Variants in LOC400499 observed in about 807,000 individuals in gnomAD.
the LOC400499 span, among the ~76,000 whole-genome samples, chr16:11,374,982 G>A: frequency 3.9e-5 from 6 of 151,984 alleles, no homozygotes; most frequent in Admixed American, 2.6e-4. Flanking sequence ...CCAAATAGCT[G>A]GGATTACAGG....
the LOC400499 span, chr16:11,461,172 C>T: frequency 6.8e-7 from 1 of 1,480,222 alleles, no homozygotes; most frequent in Non-Finnish European, 9.0e-7. Context: ...GGGACCAGCA[C>T]CCCCATCCCC....
At chr16:11,495,433 TG>T in the LOC400499 span, among the ~76,000 whole-genome samples, 6 of 151,170 alleles carry the variant, frequency 4.0e-5, no homozygotes, top group African/African-American at 1.2e-4. Context: ...CATCCTGGAG[TG>T]CAGTGGCCCT....
the LOC400499 span, among the ~76,000 whole-genome samples, chr16:11,499,044 G>A: frequency 1.9e-5 from 2 of 103,558 alleles, no homozygotes; most frequent in African/African-American, 7.6e-5. Flanking sequence ...ACAAATAAAC[G>A]AGTGAAAGGA....
At chr16:11,436,918 G>T in the LOC400499 span, among the ~76,000 whole-genome samples, 1 of 151,968 alleles carries the variant, frequency 6.6e-6, no homozygotes, top group Non-Finnish European at 1.5e-5. Flanking sequence ...AAGAATGCCT[G>T]GTGCTTCCTT....
At chr16:11,435,966 G>A in the LOC400499 span, 1 of 398,288 alleles carries the variant, frequency 2.5e-6, no homozygotes, top group Non-Finnish European at 4.4e-6. Context: ...AAGCCCTCCT[G>A]AGCCACTCCA....
At chr16:11,498,140 A>G in the LOC400499 span, among the ~76,000 whole-genome samples, 15 of 152,286 alleles carry the variant, frequency 9.8e-5, no homozygotes, top group Non-Finnish European at 1.9e-4. Context: ...ACAAAGCATC[A>G]AGAAGCCACA....
the LOC400499 span, among the ~76,000 whole-genome samples, chr16:11,501,502 G>A: frequency 6.6e-6 from 1 of 152,092 alleles, no homozygotes; most frequent in African/African-American, 2.4e-5. Flanking sequence ...GACCACAAGT[G>A]TTCGCTACCA....
At chr16:11,495,999 C>A in the LOC400499 span, among the ~76,000 whole-genome samples, 17 of 152,282 alleles carry the variant, frequency 1.1e-4, no homozygotes, top group Non-Finnish European at 2.4e-4. Context: ...CTGTGCTAGA[C>A]CCACGTCACT....
chr16:11,393,162 C>CA, the LOC400499 span, among the ~76,000 whole-genome samples: 3 of 132,112 alleles, frequency 2.3e-5, no homozygotes, highest in East Asian at 2.1e-4. Flanking sequence ...CCACCCCCCC[C>CA]CCTTTTTTTT....
chr16:11,436,029 G>C, the LOC400499 span: 4 of 397,204 alleles, frequency 1.0e-5, no homozygotes, highest in African/African-American at 8.2e-5. Flanking sequence ...GAGGAGAAAT[G>C]AGACAGAGGG....
the LOC400499 span, among the ~76,000 whole-genome samples, chr16:11,410,542 C>T: frequency 1.3e-5 from 2 of 152,216 alleles, no homozygotes; most frequent in Non-Finnish European, 2.9e-5. Flanking sequence ...TCCAAAATCA[C>T]GTGTAAATGC....
At chr16:11,446,447 T>C in the LOC400499 span, 20 of 1,088,850 alleles carry the variant, frequency 1.8e-5, no homozygotes, top group African/African-American at 3.1e-5. Context: ...TGTGAGCCAC[T>C]GCACTCAGTC....
the LOC400499 span, chr16:11,491,665 G>GCCCCCACCCCACC: frequency 8.7e-6 from 3 of 344,470 alleles, no homozygotes; most frequent in Non-Finnish European, 1.5e-5. Context: ...CCCCACCCCT[G>GCCCCCACCCCACC]CCCACACCCC....
the LOC400499 span, chr16:11,398,533 C>A: frequency 8.1e-7 from 1 of 1,231,796 alleles, no homozygotes; most frequent in South Asian, 4.1e-5. Flanking sequence ...GCCTATGGGT[C>A]AGGGGCTCAT....
the LOC400499 span, among the ~76,000 whole-genome samples, chr16:11,434,971 A>G: frequency 6.6e-6 from 1 of 152,082 alleles, no homozygotes; most frequent in Admixed American, 6.6e-5. Flanking sequence ...TCCTTTTTAC[A>G]TGATTATTAT....
At chr16:11,397,711 C>A in the LOC400499 span, among the ~76,000 whole-genome samples, 1 of 137,540 alleles carries the variant, frequency 7.3e-6, no homozygotes, top group African/African-American at 2.6e-5. Flanking sequence ...TGCTATCTGT[C>A]TCTTTACAGA....
chr16:11,389,976 CGAG>C, the LOC400499 span: 59 of 502,382 alleles, frequency 1.2e-4, no homozygotes, highest in African/African-American at 1.1e-3. Flanking sequence ...ATCTGTAAAA[CGAG>C]GAGAGAAGAA....
the LOC400499 span, among the ~76,000 whole-genome samples, chr16:11,484,302 C>A: frequency 6.6e-6 from 1 of 152,038 alleles, no homozygotes; most frequent in Non-Finnish European, 1.5e-5. Context: ...CCACTACGCC[C>A]GGCCGCAGGA....
At chr16:11,383,943 G>T in the LOC400499 span, 1 of 1,231,928 alleles carries the variant, frequency 8.1e-7, no homozygotes, top group South Asian at 4.1e-5. Context: ...CCCAGCAGGC[G>T]GGGAGCTGTC....
Sources: gnomAD v4.1 joint callset for allele counts (sites outside exome capture counted in the v4.1 genomes callset) on GRCh38, gnomAD v4.1.1 for gene constraint, MANE v1.5 for transcripts.